Variants in COL19A1 observed in about 807,000 individuals in gnomAD.
COL19A1 encodes collagen alpha-1(XIX) chain.
In COL19A1, 159 loss-of-function variants were observed where a neutral mutation model predicts 190.2. The observed-to-expected ratio is 0.84, with a 90% CI of 0.73 to 0.95. COL19A1 has a LOEUF of 0.95. Ranked by LOEUF, COL19A1 falls within the 40% of genes least tolerant of loss-of-function variation. The pLI, the probability that COL19A1 is intolerant of heterozygous loss-of-function variation, is 0.00. For missense variants in COL19A1, 1,418 were observed against 1,431.9 expected, an observed-to-expected ratio of 0.99 and a Z score of 0.16; for synonymous variants, 509 against 458.9, an observed-to-expected ratio of 1.11 and a Z score of -1.39.
chr6:69,899,092 C>A, intron 3 of COL19A1, 70 bp downstream of exon 3: 1 of 948,630 alleles, frequency 1.1e-6, no homozygotes, highest in Non-Finnish European at 1.7e-6. Flanking sequence ...ATATGGAATA[C>A]ATTATAGGTG....
In COL19A1 at chr6:70,207,336, C is replaced by A; in HGVS notation, c.*62C>A. The A allele has an allele frequency of 7.4e-7, 1 of 1,354,816 alleles. No individual in the cohort carries two copies. The highest frequency in any genetic ancestry group is 9.8e-7 in the Non-Finnish European group (1 of 1,015,266). The allele number at this position is 1,354,816 out of a possible 1,614,324, so 83.9% of individuals were successfully genotyped here. On this transcript the variant is annotated 3_prime_UTR_variant, in exon 51 of 51. Coordinates refer to ENST00000620364, the MANE Select transcript of COL19A1 (RefSeq NM_001858.6). ...CCTTGCCACTGGAGCTCTCTTAATA[C>A]CGTCAAACCCTCATCATCTGTGGGT... is the stretch of plus-strand genomic sequence containing the variant.
intron 15 of COL19A1, among the ~76,000 whole-genome samples, chr6:70,087,473 C>T (rs547094148): frequency 1.2e-3 from 179 of 152,008 alleles, no homozygotes; most frequent in African/African-American, 4.2e-3. Flanking sequence ...TTTAGGAGGT[C>T]GGTATGGCTA....
chr6:70,065,971 A>G (rs1444479049), intron 14 of COL19A1, among the ~76,000 whole-genome samples: 3 of 152,202 alleles, frequency 2.0e-5, no homozygotes, highest in Non-Finnish European at 2.9e-5. Context: ...GAGGATGTGG[A>G]GAAATAGGAA....
At chr6:69,984,731 A>T (rs1240463400) in intron 11 of COL19A1, among the ~76,000 whole-genome samples, 1 of 152,122 alleles carries the variant, frequency 6.6e-6, no homozygotes, top group African/African-American at 2.4e-5. Context: ...AAGTCCCCCA[A>T]ACTTTGCTTT....
chr6:69,929,802 T>G, intron 6 of COL19A1, 102 bp downstream of exon 6: 2 of 1,068,512 alleles, frequency 1.9e-6, no homozygotes, highest in Non-Finnish European at 2.6e-6. Flanking sequence ...TAGATTCCCT[T>G]CTCATCAATT....
intron 4 of COL19A1, among the ~76,000 whole-genome samples, chr6:69,914,523 A>T (rs944728420): frequency 7.2e-5 from 11 of 152,198 alleles, no homozygotes; most frequent in Admixed American, 7.2e-4. Flanking sequence ...ACCCTGCCTC[A>T]CACTTACTCG....
chr6:69,888,316 CA>C lies in COL19A1; in HGVS notation c.91+8667del, dbSNP rs1156715071. ...AGACGGAGGCCAAACACCCAACTAGCAAAAAAAAACTTTACTCTTTTGCCAG... is the reference window on the plus strand; with the variant it reads ...AGACGGAGGCCAAACACCCAACTAGCAAAAAAAACTTTACTCTTTTGCCAG... On this transcript the variant is annotated intron_variant, in intron 2 of 50. Transcript: ENST00000620364. Among the ~76,000 whole-genome samples, 30 of 150,990 alleles carry C rather than the reference CA, an allele frequency of 2.0e-4. No individual in the cohort carries two copies. In the East Asian group the frequency reaches 4.5e-3, roughly 22 times the overall value.
chr6:69,975,785 C>T (rs1775681748), intron 11 of COL19A1, among the ~76,000 whole-genome samples: 1 of 152,112 alleles, frequency 6.6e-6, no homozygotes, highest in South Asian at 2.1e-4. Context: ...CAGAACACAG[C>T]ACTGTGACAC....
chr6:70,166,599 T>C (rs762454099), intron 37 of COL19A1, among the ~76,000 whole-genome samples: 2 of 152,210 alleles, frequency 1.3e-5, no homozygotes, highest in Non-Finnish European at 1.5e-5. Context: ...AGCTGAGATA[T>C]CACGCAAAAC....
rs1771914830 is a variant in COL19A1, at chr6:69,921,511, T to TGTATATTC, written c.267-6398_267-6397insGTATATTC. 1.7e-4 allele frequency among the ~76,000 whole-genome samples: 17 copies of TGTATATTC among 100,388 alleles called. 1 individual carries two copies. Among genetic ancestry groups the TGTATATTC allele is most frequent in the African/African-American group, 7.0e-4 (17 of 24,366 alleles). 65.9% of individuals were successfully genotyped at this position (100,388 alleles called of 152,430 possible). ...ATTCATATATATTCATATATATTCATATGTATATTCATATATATTCATGTA... is the reference window on the plus strand; with the variant it reads ...ATTCATATATATTCATATATATTCATGTATATTCATGTATATTCATATATATTCATGTA... On this transcript the variant is annotated intron_variant, in intron 4 of 50. Coordinates refer to ENST00000620364, the MANE Select transcript of COL19A1 (RefSeq NM_001858.6).
intron 17 of COL19A1, among the ~76,000 whole-genome samples, chr6:70,127,771 G>A (rs939882383): frequency 7.3e-6 from 1 of 136,262 alleles, no homozygotes; most frequent in African/African-American, 3.0e-5. Flanking sequence ...ACTATCATGA[G>A]AATAGCACAG....
At chr6:70,115,832 T>TG (rs1554209412) in intron 16 of COL19A1, among the ~76,000 whole-genome samples, 3 of 140,620 alleles carry the variant, frequency 2.1e-5, no homozygotes, top group African/African-American at 7.8e-5. Flanking sequence ...TTTGTTTTTT[T>TG]TTTTTTTTTT....
chr6:70,138,904 A>G (rs1034839440), intron 19 of COL19A1, among the ~76,000 whole-genome samples: 7 of 152,050 alleles, frequency 4.6e-5, no homozygotes, highest in Admixed American at 1.3e-4. Flanking sequence ...AGCCTGGTGC[A>G]TGCCCCTGGT....
chr6:69,979,501 A>T (rs566734559), intron 11 of COL19A1, among the ~76,000 whole-genome samples: 1 of 152,054 alleles, frequency 6.6e-6, no homozygotes, highest in East Asian at 1.9e-4. Flanking sequence ...ATAGGAATTG[A>T]TGAAATATTT....
chr6:70,097,742 C>G (rs1314652708), intron 15 of COL19A1, among the ~76,000 whole-genome samples: 2 of 152,118 alleles, frequency 1.3e-5, no homozygotes, highest in Admixed American at 1.3e-4. Context: ...GTGTTTTGCT[C>G]TTTATACCAC....
At chr6:69,966,616 G>A (rs6900264) in intron 11 of COL19A1, among the ~76,000 whole-genome samples, 3,357 of 152,140 alleles carry the variant, frequency 0.022, 124 homozygotes, top group African/African-American at 0.07. Flanking sequence ...CAAGTACCCA[G>A]GGACACAAAC....
intron 11 of COL19A1, among the ~76,000 whole-genome samples, chr6:70,023,018 T>C (rs1778502376): frequency 6.6e-6 from 1 of 152,154 alleles, no homozygotes; most frequent in Admixed American, 6.6e-5. Flanking sequence ...AATGAATGGA[T>C]ATGAGATCCT....
At chr6:70,157,451 TAATG>T (rs1183209857) in intron 34 of COL19A1, among the ~76,000 whole-genome samples, 2 of 152,166 alleles carry the variant, frequency 1.3e-5, no homozygotes, top group Non-Finnish European at 2.9e-5. Context: ...TACTAATTCT[TAATG>T]AAAGTAAGTA....
At chr6:70,103,259 A>G (rs1014023822) in intron 16 of COL19A1, among the ~76,000 whole-genome samples, 1 of 152,140 alleles carries the variant, frequency 6.6e-6, no homozygotes, top group African/African-American at 2.4e-5. Flanking sequence ...CCAGTAGCCC[A>G]CAAATCCTCT....
Sources: allele counts gnomAD v4.1 joint callset (sites outside exome capture counted in the v4.1 genomes callset), GRCh38; gene constraint gnomAD v4.1.1; transcripts MANE v1.5; gene names NCBI Gene and HGNC (gene_info 2026-07-23, HGNC 2026-07-21).